RASGRF2: variants seen among roughly 807,000 people sequenced by gnomAD.
RASGRF2 encodes ras-specific guanine nucleotide-releasing factor 2.
A neutral mutation model predicts 151.0 loss-of-function variants in RASGRF2; 76 were observed. The observed-to-expected ratio is 0.50, with a 90% CI of 0.42 to 0.61. RASGRF2 has a LOEUF of 0.61. Ranked by LOEUF, RASGRF2 falls within the 20% of genes least tolerant of loss-of-function variation. RASGRF2 has a pLI of 0.00. For missense variants in RASGRF2, 1,148 were observed against 1,564.6 expected (o/e 0.73, Z 4.49); for synonymous variants, 504 against 566.5 (o/e 0.89, Z 1.57).
intron 1 of RASGRF2, among the ~76,000 whole-genome samples, chr5:80,998,297 T>C: frequency 6.6e-6 from 1 of 152,224 alleles, no homozygotes. Flanking sequence ...ACAGTACCTT[T>C]TGATTCTCTA....
intron 17 of RASGRF2, among the ~76,000 whole-genome samples, chr5:81,152,637 A>G (rs1754164026): frequency 6.6e-6 from 1 of 152,230 alleles, no homozygotes; most frequent in African/African-American, 2.4e-5. Context: ...TAGAGTGAGG[A>G]GCTCAGCAAA....
At chr5:81,159,946 T>G (rs2112636187) in intron 17 of RASGRF2, among the ~76,000 whole-genome samples, 1 of 152,282 alleles carries the variant, frequency 6.6e-6, no homozygotes, top group East Asian at 1.9e-4. Context: ...GGTGAACTCT[T>G]TTTGAACCCT....
At chr5:81,103,742 G>A (rs1752766983) in intron 12 of RASGRF2, among the ~76,000 whole-genome samples, 1 of 151,838 alleles carries the variant, frequency 6.6e-6, no homozygotes, top group Admixed American at 6.6e-5. Context: ...TAAAAGATAG[G>A]AAAAAAACTT....
intron 17 of RASGRF2, among the ~76,000 whole-genome samples, chr5:81,152,566 T>C (rs147228674): frequency 1.7e-3 from 260 of 152,312 alleles, no homozygotes; most frequent in African/African-American, 6.0e-3. Flanking sequence ...TTATCCTAGA[T>C]GTAGATGCTA....
At chr5:81,035,103 C>T (rs1398492342) in intron 1 of RASGRF2, among the ~76,000 whole-genome samples, 1 of 152,054 alleles carries the variant, frequency 6.6e-6, no homozygotes, top group East Asian at 1.9e-4. Context: ...CCAGCCATCC[C>T]ATTACTGTGT....
chr5:80,999,405 C>T (rs1159250581), intron 1 of RASGRF2, among the ~76,000 whole-genome samples: 1 of 152,116 alleles, frequency 6.6e-6, no homozygotes, highest in East Asian at 1.9e-4. Context: ...TGCAGTGCTG[C>T]GATCATAGCT....
At chr5:81,119,456 C>G (rs1753245802) in intron 15 of RASGRF2, among the ~76,000 whole-genome samples, 1 of 152,170 alleles carries the variant, frequency 6.6e-6, no homozygotes, top group South Asian at 2.1e-4. Context: ...ATGTAGTCAC[C>G]TCTTAGAGGT....
chr5:80,984,734 A>T (rs970422770), intron 1 of RASGRF2, among the ~76,000 whole-genome samples: 2 of 152,208 alleles, frequency 1.3e-5, no homozygotes, highest in Admixed American at 6.5e-5. Context: ...GCTCATTAGA[A>T]TGTTGTCATT....
intron 15 of RASGRF2, among the ~76,000 whole-genome samples, chr5:81,118,442 T>C (rs1390086844): frequency 6.6e-6 from 1 of 152,218 alleles, no homozygotes; most frequent in Non-Finnish European, 1.5e-5. Flanking sequence ...CAGCAAATGC[T>C]GTGGTCCCTT....
chr5:81,080,920 G>A, intron 7 of RASGRF2, 131 bp downstream of exon 7: 1 of 779,380 alleles, frequency 1.3e-6, no homozygotes, highest in Non-Finnish European at 2.0e-6. Context: ...ATCTGTTGCT[G>A]TCTTGAGCTT....
At chr5:81,188,835 A>G (rs1009251694) in intron 18 of RASGRF2, among the ~76,000 whole-genome samples, 2 of 152,160 alleles carry the variant, frequency 1.3e-5, no homozygotes, top group Non-Finnish European at 2.9e-5. Context: ...CTGGCTGCAC[A>G]GTTTTTGCCG....
intron 19 of RASGRF2, among the ~76,000 whole-genome samples, chr5:81,205,146 CTATT>C (rs772314069): frequency 1.7e-4 from 26 of 152,194 alleles, no homozygotes; most frequent in Non-Finnish European, 3.1e-4. Context: ...GATAAAATGA[CTATT>C]TCTTTCTACT....
chr5:80,960,783 G>A lies in RASGRF2; in HGVS notation c.45G>A (p.Leu15=). 6.2e-7 allele frequency: 1 copy of A among 1,612,568 alleles called. No homozygotes were observed. Among genetic ancestry groups the A allele is most frequent in the East Asian group, 2.2e-5 (1 of 44,816 alleles). Residue 15 remains leucine (L), a synonymous_variant, in exon 1 of 27, where the codon CTG becomes CTA. Coordinates refer to ENST00000265080, the MANE Select transcript of RASGRF2 (RefSeq NM_006909.3). This position sits in a 1 kb window ranked among gnomAD's most constrained non-coding sequence, Gnocchi z 5.5. ...ACAACGAGGGGCACGCCCTGTACCT[G>A]GCCTTTCTGGCGCGCAAGGAGGGCA... ...VRYNEGHALY[L]AFLARKEGTK...
At position 81,069,340 on chromosome 5, in the gene RASGRF2, T is replaced by C. The variant is rs566042748; in HGVS notation, c.544-1152T>C. Among the ~76,000 whole-genome samples, 3 of 152,372 alleles carry C rather than the reference T, an allele frequency of 2.0e-5. No individual in the cohort carries two copies. The South Asian group carries it at 6.2e-4, about 32-fold the overall frequency. ...CCCAATTCGACCCTGATATGTGATA[T>C]AGTGAAAACAGCAACAGAAAACTTA... On this transcript the variant is annotated intron_variant, in intron 3 of 26. Coordinates refer to ENST00000265080, the MANE Select transcript of RASGRF2 (RefSeq NM_006909.3).
At chr5:81,152,627 TAG>T (rs964157401) in intron 17 of RASGRF2, among the ~76,000 whole-genome samples, 2 of 152,168 alleles carry the variant, frequency 1.3e-5, no homozygotes, top group African/African-American at 4.8e-5. Flanking sequence ...ATGAGAATGG[TAG>T]AGTGAGGAGC....
At chr5:81,162,716 G>T (rs979437559) in intron 17 of RASGRF2, among the ~76,000 whole-genome samples, 1 of 152,134 alleles carries the variant, frequency 6.6e-6, no homozygotes, top group East Asian at 1.9e-4. Context: ...TCTGACATCC[G>T]ACAGGAAAAA....
intron 3 of RASGRF2, among the ~76,000 whole-genome samples, chr5:81,069,544 A>T (rs1273955554): frequency 9.2e-5 from 14 of 152,236 alleles, no homozygotes. Context: ...GTGTGTGTTT[A>T]TCTGCCTTCA....
intron 22 of RASGRF2, among the ~76,000 whole-genome samples, chr5:81,210,825 C>T (rs895594958): frequency 6.6e-6 from 1 of 152,136 alleles, no homozygotes; most frequent in Non-Finnish European, 1.5e-5. Flanking sequence ...ACCTCTGTCC[C>T]CTTGCTCTCA....
At chr5:80,986,309 A>G (rs932239721) in intron 1 of RASGRF2, among the ~76,000 whole-genome samples, 13 of 152,156 alleles carry the variant, frequency 8.5e-5, no homozygotes, top group African/African-American at 3.1e-4. Context: ...CTCAGTCCCA[A>G]CCAAGCACTC....
Sources: allele counts gnomAD v4.1 joint callset (sites outside exome capture counted in the v4.1 genomes callset), GRCh38; gene constraint gnomAD v4.1.1; non-coding constraint Gnocchi (gnomAD v3.1); transcripts MANE v1.5; gene names NCBI Gene and HGNC (gene_info 2026-07-23, HGNC 2026-07-21).